Variants in TRMT44 observed in about 807,000 individuals in gnomAD.
TRMT44 encodes the protein probable tRNA (uracil-O(2)-)-methyltransferase.
A neutral mutation model predicts 77.3 loss-of-function variants in TRMT44; 78 were observed. That is an observed-to-expected ratio of 1.01 (90% CI 0.84 to 1.22). TRMT44 has a LOEUF of 1.22. Among genes scored for constraint, TRMT44 ranks in the 50% most tolerant of loss-of-function variants. The pLI is 0.00. For synonymous variants in TRMT44, 391 were observed against 383.3 expected, an observed-to-expected ratio of 1.02 and a Z score of -0.23; for missense variants, 1,090 against 964.4, an observed-to-expected ratio of 1.13 and a Z score of -1.73.
At chr4:8,463,172 C>T (rs377484923) in intron 6 of TRMT44, among the ~76,000 whole-genome samples, 1 of 152,296 alleles carries the variant, frequency 6.6e-6, no homozygotes, top group Non-Finnish European at 1.5e-5. Context: ...GTTCACTTAT[C>T]TTGGGGACTC....
At position 8,465,434 on chromosome 4, in the gene TRMT44, GAAGAT is replaced by G. The variant is rs1352394906; in HGVS notation, c.1369_1373del (p.Arg457LeufsTer6). The stretch of plus-strand genomic sequence containing the variant: ...CCCTGCTGCTTCTTTGACTTCATTG[GAAGAT>G]ACTCCCGGAGGCAGAGTAAGAAGAC... On this transcript the variant is annotated frameshift_variant, in exon 8 of 11. Transcript: ENST00000389737. LOFTEE classifies it high-confidence loss of function. 1 of 1,614,040 alleles carries G rather than the reference GAAGAT, an allele frequency of 6.2e-7. No homozygotes were observed. The highest frequency in any genetic ancestry group is 1.1e-5 in the South Asian group (1 of 91,066).
chr4:8,454,689 C>A (rs1050249011), intron 5 of TRMT44, 53 bp from the exon 6 acceptor site: 1 of 1,559,356 alleles, frequency 6.4e-7, no homozygotes, highest in Non-Finnish European at 8.8e-7. Context: ...TTCTTGCTAA[C>A]TTATTATGAA....
intron 3 of TRMT44, among the ~76,000 whole-genome samples, chr4:8,450,164 C>T (rs1725348483): frequency 6.6e-6 from 1 of 151,798 alleles, no homozygotes; most frequent in African/African-American, 2.4e-5. Flanking sequence ...GATGAGGTTT[C>T]ACCATGTTGC....
At chr4:8,462,954 A>G (rs1398995419) in intron 6 of TRMT44, among the ~76,000 whole-genome samples, 1 of 152,258 alleles carries the variant, frequency 6.6e-6, no homozygotes, top group Non-Finnish European at 1.5e-5. Context: ...ACCCTTGAAC[A>G]ATACTATTTT....
At chr4:8,498,096 C>G (rs1183897234), downstream of TRMT44, among the ~76,000 whole-genome samples, 1 of 152,196 alleles carries the variant, frequency 6.6e-6, no homozygotes, top group African/African-American at 2.4e-5. This position sits in a 1 kb window ranked among gnomAD's most constrained non-coding sequence, Gnocchi z 4.3. Context: ...AGTGGACATG[C>G]AGGTTTTAGA....
chr4:8,468,556 A>T (rs1306941449), intron 9 of TRMT44: 2 of 605,576 alleles, frequency 3.3e-6, no homozygotes, highest in East Asian at 5.5e-5. Context: ...TGTTATTTCC[A>T]GGGAGTGACA....
At chr4:8,495,501 C>A (rs780571890), downstream of TRMT44, among the ~76,000 whole-genome samples, 2 of 152,150 alleles carry the variant, frequency 1.3e-5, no homozygotes, top group African/African-American at 2.4e-5. Context: ...TGAAGTGGAG[C>A]TTTCAAAATG....
chr4:8,478,792 C>A (rs1167482685), downstream of TRMT44: 1 of 152,278 alleles, frequency 6.6e-6, no homozygotes, highest in Non-Finnish European at 1.5e-5. Flanking sequence ...TAGTGCCACG[C>A]AGGCACTAGG....
At chr4:8,469,697 C>G (rs1206406957) in intron 9 of TRMT44, among the ~76,000 whole-genome samples, 1 of 152,120 alleles carries the variant, frequency 6.6e-6, no homozygotes, top group Non-Finnish European at 1.5e-5. Context: ...GCTCTGGACC[C>G]CCGTCCCCTC....
rs1001646332 is a variant in TRMT44 at position 8,449,776 on chromosome 4, G to C, written c.842G>C (p.Trp281Ser). The C allele has an allele frequency of 2.6e-6, 4 of 1,535,714 alleles. No homozygotes were observed. In the African/African-American group the frequency reaches 5.5e-5, roughly 21 times the overall value. ...GEELLAKLAK[W>S]SVENKKSDFK... is the part of the protein sequence containing the mutation. ...GAGTTGCTGGCCAAGTTGGCCAAGT[G>C]GTCTGTAGAGAACAAGAAGAGTGAC... is the stretch of plus-strand genomic sequence containing the variant. Residue 281 changes from tryptophan to serine, a missense_variant, in exon 3 of 11, where the codon TGG becomes TCG. Trp to Ser is a radical substitution (Grantham distance 177). Coordinates refer to ENST00000389737, the MANE Select transcript of TRMT44 (RefSeq NM_152544.3).
At position 8,467,916 on chromosome 4, in the gene TRMT44, C is replaced by A; in HGVS notation, c.1497C>A (p.Val499=). ...DCLRIPSTKR[V]CLVGKSRTYP... is the part of the protein sequence containing the mutation. Reference sequence around the variant, plus strand: ...TGCTTTGCTTTCTTCAAACGCAGGTCTGTCTCGTTGGAAAATCCAGAACAT... The same window carrying A: ...TGCTTTGCTTTCTTCAAACGCAGGTATGTCTCGTTGGAAAATCCAGAACAT... Residue 499 remains valine (V), a splice_region_variant and synonymous_variant, in exon 9 of 11, where the codon GTC becomes GTA. Transcript: ENST00000389737. 6.3e-7 allele frequency: 1 copy of A among 1,599,304 alleles called. No individual in the cohort carries two copies. The highest frequency in any genetic ancestry group is 1.1e-5 in the South Asian group (1 of 90,396).
downstream of TRMT44, among the ~76,000 whole-genome samples, chr4:8,498,093 A>G (rs1472537640): frequency 6.6e-6 from 1 of 152,184 alleles, no homozygotes; most frequent in African/African-American, 2.4e-5. The surrounding 1 kb of genome is among the most constrained non-coding windows in gnomAD (Gnocchi z 4.3). Flanking sequence ...GAGAGTGGAC[A>G]TGCAGGTTTT....
chr4:8,516,547 A>G, the TRMT44 span, among the ~76,000 whole-genome samples: 104 of 152,222 alleles, frequency 6.8e-4, no homozygotes, highest in Non-Finnish European at 1.2e-3. Flanking sequence ...TCGGAGGTCA[A>G]GGTGGGAGGA....
At position 8,451,645 on chromosome 4, in the gene TRMT44, C is replaced by T. The variant is rs150830360; in HGVS notation, c.955-315C>T. On this transcript the variant is annotated intron_variant, in intron 3 of 10. Coordinates refer to ENST00000389737, the MANE Select transcript of TRMT44 (RefSeq NM_152544.3). This position sits in a 1 kb window ranked among gnomAD's most constrained non-coding sequence, Gnocchi z 4.1. ...ACGCCTAGTTTCCTTGTTTGTTGCCCTTATCTGCATAGACAATGAGCACAG... is the reference window on the plus strand; with the variant it reads ...ACGCCTAGTTTCCTTGTTTGTTGCCTTTATCTGCATAGACAATGAGCACAG... 5.8e-4 allele frequency among the ~76,000 whole-genome samples: 88 copies of T among 152,300 alleles called. No homozygotes were observed. Among genetic ancestry groups the T allele is most frequent in the African/African-American group, 2.1e-3 (86 of 41,570 alleles).
intron 6 of TRMT44, among the ~76,000 whole-genome samples, chr4:8,456,219 T>C (rs532977857): frequency 6.6e-6 from 1 of 152,324 alleles, no homozygotes; most frequent in East Asian, 1.9e-4. Context: ...TGAGCCCAAG[T>C]GTTTCAAGTG....
downstream of TRMT44, chr4:8,478,401 A>C (rs2109206977): frequency 6.5e-6 from 1 of 152,734 alleles, no homozygotes; most frequent in Non-Finnish European, 1.5e-5. Context: ...CCTCCGTGTC[A>C]CCTGGCATAA....
the TRMT44 span, among the ~76,000 whole-genome samples, chr4:8,500,499 A>T: frequency 1.3e-5 from 2 of 151,996 alleles, no homozygotes; most frequent in Non-Finnish European, 2.9e-5. Context: ...CCCTCTGGAA[A>T]AAATAAATAA....
At chr4:8,494,492 TGA>T (rs1310445618), downstream of TRMT44, among the ~76,000 whole-genome samples, 1 of 152,224 alleles carries the variant, frequency 6.6e-6, no homozygotes, top group African/African-American at 2.4e-5. Flanking sequence ...AGTGAAAGAC[TGA>T]TCGAGGACTC....
At position 8,449,818 on chromosome 4, in the gene TRMT44, C is replaced by G. The variant is rs1325525494; in HGVS notation, c.884C>G (p.Ser295Cys). The change falls in exon 3 of 11, where the codon TCC becomes TGC. Residue 295 changes from serine to cysteine, a missense_variant. Ser to Cys is a moderately radical substitution (Grantham distance 112). Coordinates refer to ENST00000389737, the MANE Select transcript of TRMT44 (RefSeq NM_152544.3). ...NKKSDFKSTL[S>C]LISIMKYSKA... ...AAGAGTGACTTTAAAAGCACCCTTTCCCTCATCTCCATTATGAAGTATAGC... is the reference window on the plus strand; with the variant it reads ...AAGAGTGACTTTAAAAGCACCCTTTGCCTCATCTCCATTATGAAGTATAGC... 20 of 1,535,834 alleles carry G rather than the reference C, an allele frequency of 1.3e-5. No individual in the cohort carries two copies. Among genetic ancestry groups the G allele is most frequent in the Non-Finnish European group, 1.7e-5 (20 of 1,146,860 alleles).
Sources: gnomAD v4.1 joint callset for allele counts (sites outside exome capture counted in the v4.1 genomes callset) on GRCh38, gnomAD v4.1.1 for gene constraint, Gnocchi (gnomAD v3.1) non-coding constraint, MANE v1.5 for transcripts, NCBI Gene and HGNC (gene_info 2026-07-23, HGNC 2026-07-21) for gene names.